SH3GL2: variants seen among roughly 807,000 people sequenced by gnomAD.
The protein encoded by SH3GL2 is endophilin-A1.
A neutral mutation model predicts 46.0 loss-of-function variants in SH3GL2; 24 were observed. That is an observed-to-expected ratio of 0.52 (90% confidence interval 0.38 to 0.73). The LOEUF is 0.73. Among genes scored for constraint, SH3GL2 ranks in the 30% least tolerant of loss-of-function variants. SH3GL2 has a pLI of 0.00. For synonymous variants in SH3GL2, 196 were observed against 147.1 expected, an observed-to-expected ratio of 1.33 and a Z score of -2.40; for missense variants, 413 against 424.2, an observed-to-expected ratio of 0.97 and a Z score of 0.23.
At chr9:17,597,811 G>C (rs1373695487) in intron 1 of SH3GL2, among the ~76,000 whole-genome samples, 1 of 152,166 alleles carries the variant, frequency 6.6e-6, no homozygotes, top group Non-Finnish European at 1.5e-5. Flanking sequence ...GGGCCTGCCT[G>C]ATCTGACCCT....
chr9:17,789,660 A>G, intron 6 of SH3GL2, 110 bp downstream of exon 6: 2 of 1,513,278 alleles, frequency 1.3e-6, no homozygotes, highest in Non-Finnish European at 1.8e-6. Context: ...CTATGTGATA[A>G]GAACTTCAGT....
At chr9:17,591,606 T>C (rs554924532) in intron 1 of SH3GL2, among the ~76,000 whole-genome samples, 3 of 152,328 alleles carry the variant, frequency 2.0e-5, no homozygotes, top group East Asian at 3.9e-4. Flanking sequence ...TTGTAAAGAT[T>C]AGGACCAGTT....
intron 3 of SH3GL2, among the ~76,000 whole-genome samples, chr9:17,777,926 T>C (rs1823689714): frequency 6.6e-6 from 1 of 152,094 alleles, no homozygotes; most frequent in South Asian, 2.1e-4. Flanking sequence ...GGTTGGGCTC[T>C]CATCCCTATC....
intron 2 of SH3GL2, among the ~76,000 whole-genome samples, chr9:17,761,088 C>G (rs1162146443): frequency 6.6e-6 from 1 of 152,202 alleles, no homozygotes; most frequent in Non-Finnish European, 1.5e-5. Context: ...GCAGCAAAAT[C>G]TGCCTCCATG....
At chr9:17,740,854 C>G (rs940839787) in intron 1 of SH3GL2, among the ~76,000 whole-genome samples, 23 of 152,022 alleles carry the variant, frequency 1.5e-4, no homozygotes, top group African/African-American at 5.3e-4. Context: ...AAAAACAGAT[C>G]TAGTGTTAGA....
intron 1 of SH3GL2, among the ~76,000 whole-genome samples, chr9:17,732,374 G>T (rs182165228): frequency 1.4e-4 from 21 of 152,182 alleles, no homozygotes; most frequent in Admixed American, 1.2e-3. Flanking sequence ...GGAAGTTAAA[G>T]GAAGGATAAG....
At chr9:17,792,084 T>C (rs1824146233) in intron 7 of SH3GL2, among the ~76,000 whole-genome samples, 1 of 152,210 alleles carries the variant, frequency 6.6e-6, no homozygotes, top group African/African-American at 2.4e-5. Context: ...CAAGCTTTTT[T>C]CTTAGGCCAC....
chr9:17,636,807 T>G (rs1236577613), intron 1 of SH3GL2, among the ~76,000 whole-genome samples: 1 of 152,236 alleles, frequency 6.6e-6, no homozygotes, highest in Non-Finnish European at 1.5e-5. Context: ...CAAACCAAAA[T>G]TAAGGCCAGT....
intron 5 of SH3GL2, among the ~76,000 whole-genome samples, chr9:17,788,644 C>T (rs555545126): frequency 3.3e-5 from 5 of 152,080 alleles, no homozygotes; most frequent in Non-Finnish European, 7.4e-5. Context: ...CAGCCATCTA[C>T]CAGGTATGGT....
intron 2 of SH3GL2, among the ~76,000 whole-genome samples, chr9:17,757,685 A>G (rs1003518186): frequency 2.0e-5 from 3 of 152,196 alleles, no homozygotes; most frequent in Non-Finnish European, 2.9e-5. Flanking sequence ...TAACAGTTAC[A>G]TGTCATAAGT....
chr9:17,659,345 G>A (rs1240180266), intron 1 of SH3GL2, among the ~76,000 whole-genome samples: 2 of 152,286 alleles, frequency 1.3e-5, no homozygotes, highest in African/African-American at 4.8e-5. Flanking sequence ...AGATGCTGTT[G>A]CTATAGGATG....
intron 1 of SH3GL2, among the ~76,000 whole-genome samples, chr9:17,628,279 C>T (rs1305524424): frequency 6.6e-6 from 1 of 152,192 alleles, no homozygotes; most frequent in Admixed American, 6.5e-5. Context: ...CTTCTGTATA[C>T]ATGCCTTCTA....
At chr9:17,765,475 G>C (rs1008767589) in intron 3 of SH3GL2, among the ~76,000 whole-genome samples, 5 of 152,198 alleles carry the variant, frequency 3.3e-5, no homozygotes, top group African/African-American at 9.6e-5. Context: ...GCTCTGTGAA[G>C]GTCCTACATC....
chr9:17,755,531 G>T (rs1205217567), intron 2 of SH3GL2, among the ~76,000 whole-genome samples: 1 of 152,068 alleles, frequency 6.6e-6, no homozygotes, highest in Non-Finnish European at 1.5e-5. Context: ...TGAACTCCTG[G>T]CCTTAAGCAA....
At chr9:17,686,874 G>A (rs1262501800) in intron 1 of SH3GL2, among the ~76,000 whole-genome samples, 4 of 150,626 alleles carry the variant, frequency 2.7e-5, no homozygotes, top group South Asian at 2.1e-4. Flanking sequence ...CACCAGCATG[G>A]CACATGTATA....
intron 1 of SH3GL2, among the ~76,000 whole-genome samples, chr9:17,690,337 T>C (rs1821044091): frequency 1.3e-5 from 2 of 152,154 alleles, no homozygotes; most frequent in African/African-American, 2.4e-5. Context: ...TGTCTGACTT[T>C]GTTTTTATGG....
At chr9:17,775,381 C>T (rs941838087) in intron 3 of SH3GL2, among the ~76,000 whole-genome samples, 4 of 152,098 alleles carry the variant, frequency 2.6e-5, no homozygotes, top group Admixed American at 2.6e-4. Flanking sequence ...GAGAAAAAAA[C>T]TAACATTTTT....
chr9:17,666,586 A>G (rs895138311), intron 1 of SH3GL2, among the ~76,000 whole-genome samples: 3 of 149,120 alleles, frequency 2.0e-5, no homozygotes, highest in Non-Finnish European at 4.5e-5. Flanking sequence ...GTGTATATAC[A>G]TTAAGTTTGC....
chr9:17,714,472 G>A (rs963879502), intron 1 of SH3GL2, among the ~76,000 whole-genome samples: 18 of 151,414 alleles, frequency 1.2e-4, no homozygotes, highest in African/African-American at 4.1e-4. Flanking sequence ...TTTGGATTGA[G>A]TATTTTAATG....
Sources: allele counts gnomAD v4.1 joint callset (sites outside exome capture counted in the v4.1 genomes callset), GRCh38; gene constraint gnomAD v4.1.1; transcripts MANE v1.5; gene names NCBI Gene and HGNC (gene_info 2026-07-23, HGNC 2026-07-21).